The following DAD1 variants were observed in gnomAD, a reference collection of about 807,000 sequenced individuals.
DAD1 encodes the protein dolichyl-diphosphooligosaccharide--protein glycosyltransferase subunit DAD1.
A neutral mutation model predicts 9.0 loss-of-function variants in DAD1; 4 were observed. The ratio of observed to expected loss-of-function variants is 0.44; its 90% CI spans 0.22 to 1.01. The LOEUF (loss-of-function observed/expected upper bound fraction) is 1.01. DAD1 is among the 50% of genes least tolerant of loss of function. DAD1 has a pLI of 0.24. For missense variants in DAD1, 119 were observed against 137.3 expected (o/e 0.87, Z 0.67); for synonymous variants, 60 against 62.5 (o/e 0.96, Z 0.19).
chr14:22,578,459 A>G (rs1317930478), intron 1 of DAD1, among the ~76,000 whole-genome samples: 1 of 152,054 alleles, frequency 6.6e-6, no homozygotes, highest in African/African-American at 2.4e-5. Flanking sequence ...CCAGCTACTC[A>G]GGAGGCTGAG....
At chr14:22,566,910 CAG>C (rs1209786605) in intron 2 of DAD1, among the ~76,000 whole-genome samples, 1 of 152,088 alleles carries the variant, frequency 6.6e-6, no homozygotes, top group African/African-American at 2.4e-5. Flanking sequence ...ATCTATTTAC[CAG>C]ACACTATTCT....
intron 2 of DAD1, among the ~76,000 whole-genome samples, chr14:22,574,600 C>G (rs1036306588): frequency 2.0e-4 from 30 of 152,166 alleles, no homozygotes; most frequent in African/African-American, 4.8e-5. Flanking sequence ...TACTTTAAGG[C>G]ACATATTAGC....
At chr14:22,578,335 T>C (rs1448984674) in intron 1 of DAD1, among the ~76,000 whole-genome samples, 8 of 151,314 alleles carry the variant, frequency 5.3e-5, no homozygotes, top group African/African-American at 1.9e-4. Context: ...GAGGCCAAGG[T>C]GGGTGGATCA....
At chr14:22,581,513 G>A (rs1422761468) in intron 1 of DAD1, among the ~76,000 whole-genome samples, 4 of 151,914 alleles carry the variant, frequency 2.6e-5, no homozygotes, top group South Asian at 2.1e-4. Context: ...AGGTCGAGGC[G>A]GGTGGATAAC....
chr14:22,588,447 C>A (rs1038691934), intron 1 of DAD1, among the ~76,000 whole-genome samples: 15 of 151,964 alleles, frequency 9.9e-5, no homozygotes, highest in Non-Finnish European at 1.5e-4. Flanking sequence ...GCTTCCTCAA[C>A]AAGAAAAAAA....
chr14:22,582,394 G>T (rs1025901528), intron 1 of DAD1, among the ~76,000 whole-genome samples: 48 of 150,846 alleles, frequency 3.2e-4, no homozygotes, highest in African/African-American at 1.1e-3. Flanking sequence ...CATTGTGGCG[G>T]GTGCCTGTAG....
rs749334602 is a variant in DAD1 at position 22,575,157 on chromosome 14, A to C, written c.288T>G (p.Asp96Glu). The C allele has an allele frequency of 1.9e-6, 3 of 1,614,226 alleles. No homozygotes were observed. In the South Asian group the frequency reaches 3.3e-5, roughly 18 times the overall value. ...GCAGGATGGTGCTGGCAAAGAGAAA[A>C]TCAGCAAAGGCTCGCTCTGGGGAGA... ...QGISPERAFA[D>E]FLFASTILHL... Residue 96 changes from aspartate to glutamate, a missense_variant, in exon 2 of 3, where the codon GAT (aspartate) becomes GAG (glutamate). By Grantham distance (45) the Asp-to-Glu change is conservative. Coordinates refer to ENST00000250498, the MANE Select transcript of DAD1 (RefSeq NM_001344.4).
intron 1 of DAD1, among the ~76,000 whole-genome samples, chr14:22,575,579 G>A (rs999286435): frequency 2.2e-4 from 33 of 152,120 alleles, no homozygotes; most frequent in Non-Finnish European, 4.3e-4. Flanking sequence ...ACAGAGTCTC[G>A]CTCCGTCACC....
intron 2 of DAD1, among the ~76,000 whole-genome samples, chr14:22,567,325 G>T (rs2037007957): frequency 6.6e-6 from 1 of 152,176 alleles, no homozygotes; most frequent in Admixed American, 6.5e-5. Context: ...TTCAAATACT[G>T]ATTTTCCTTC....
intron 2 of DAD1, among the ~76,000 whole-genome samples, chr14:22,572,401 C>T (rs2037047589): frequency 6.6e-6 from 1 of 152,206 alleles, no homozygotes; most frequent in East Asian, 1.9e-4. Context: ...AAACTGAGAG[C>T]AGGACAGTAT....
At position 22,572,795 on chromosome 14, in the gene DAD1, C is replaced by T. The variant is rs2037050466; in HGVS notation, c.*44+2264G>A. 4.6e-5 allele frequency among the ~76,000 whole-genome samples: 7 copies of T among 152,218 alleles called. No homozygotes were observed. In the South Asian group the frequency reaches 1.5e-3, roughly 32 times the overall value. Reference sequence around the variant, plus strand: ...TCCCCTTCCTAAGTACACACCATGACTCATCTAGAAAAAAAGAACTTCAGA... The same window carrying T: ...TCCCCTTCCTAAGTACACACCATGATTCATCTAGAAAAAAAGAACTTCAGA... On this transcript the variant is annotated intron_variant, in intron 2 of 2. Coordinates refer to ENST00000250498, the MANE Select transcript of DAD1 (RefSeq NM_001344.4).
At chr14:22,565,556 G>A (rs1489551342) in intron 2 of DAD1, among the ~76,000 whole-genome samples, 1 of 152,158 alleles carries the variant, frequency 6.6e-6, no homozygotes, top group Non-Finnish European at 1.5e-5. Flanking sequence ...TTGGTGGGGA[G>A]GCAGGGTAGG....
At chr14:22,571,533 T>A (rs1457365590) in intron 2 of DAD1, among the ~76,000 whole-genome samples, 4 of 151,990 alleles carry the variant, frequency 2.6e-5, no homozygotes, top group African/African-American at 7.2e-5. Context: ...GCTTTTGTAT[T>A]TTCATTTGTA....
At chr14:22,586,065 A>C (rs1234870559) in intron 1 of DAD1, among the ~76,000 whole-genome samples, 2 of 152,038 alleles carry the variant, frequency 1.3e-5, no homozygotes, top group African/African-American at 4.8e-5. Flanking sequence ...ACTTAGCTGG[A>C]CGTGGTGGCA....
intron 2 of DAD1, among the ~76,000 whole-genome samples, chr14:22,566,050 C>T (rs116185993): frequency 6.6e-6 from 1 of 152,178 alleles, no homozygotes; most frequent in Non-Finnish European, 1.5e-5. Context: ...AAGTAAGTAA[C>T]CTGGAGATTC....
intron 1 of DAD1, among the ~76,000 whole-genome samples, chr14:22,583,475 G>C (rs1192946359): frequency 6.6e-6 from 1 of 152,076 alleles, no homozygotes; most frequent in African/African-American, 2.4e-5. Context: ...GAAGTAGTGA[G>C]GACAGACCAA....
At chr14:22,570,720 T>C (rs567053171) in intron 2 of DAD1, among the ~76,000 whole-genome samples, 6 of 152,352 alleles carry the variant, frequency 3.9e-5, no homozygotes, top group African/African-American at 1.4e-4. Flanking sequence ...CCCAACCCTG[T>C]AGCCCCCTTG....
intron 2 of DAD1, among the ~76,000 whole-genome samples, chr14:22,567,432 C>A (rs1020375872): frequency 1.3e-5 from 2 of 152,166 alleles, no homozygotes; most frequent in African/African-American, 4.8e-5. Context: ...AGGTTTACAG[C>A]TCAATTTGAA....
intron 2 of DAD1, among the ~76,000 whole-genome samples, chr14:22,573,960 A>G (rs1354023015): frequency 6.6e-6 from 1 of 152,160 alleles, no homozygotes; most frequent in East Asian, 1.9e-4. Flanking sequence ...CTTATACTAG[A>G]TTTCTGCTGG....
Sources: gnomAD v4.1 joint callset for allele counts (sites outside exome capture counted in the v4.1 genomes callset) on GRCh38, gnomAD v4.1.1 for gene constraint, MANE v1.5 for transcripts, NCBI Gene and HGNC (gene_info 2026-07-23, HGNC 2026-07-21) for gene names.